The following KCNN1 variants were observed in gnomAD, a reference collection of about 807,000 sequenced individuals.
KCNN1 encodes small conductance calcium-activated potassium channel protein 1.
In KCNN1, 20 loss-of-function variants were observed where a neutral mutation model predicts 44.7. The observed-to-expected ratio is 0.45, with a 90% CI of 0.32 to 0.65. The LOEUF is 0.65. Among genes scored for constraint, KCNN1 ranks in the 30% least tolerant of loss-of-function variants. The probability of loss-of-function intolerance (pLI) is 0.05; values close to 1 mark genes in which losing one functional copy is unlikely to be tolerated. For synonymous variants in KCNN1, 324 were observed against 341.7 expected (o/e 0.95, Z 0.57); for missense variants, 632 against 785.3 (o/e 0.80, Z 2.33).
In KCNN1 at chr19:17,957,607, G is replaced by A. The variant is rs978675748; in HGVS notation, c.-82+2926G>A. 5.3e-5 allele frequency among the ~76,000 whole-genome samples: 8 copies of A among 152,124 alleles called. No homozygotes were observed. The South Asian group carries it at 6.2e-4, about 12-fold the overall frequency. ...GTCCTGAGGTGGGAATGAGCTTGGC[G>A]TGTTTGAGGAACAGTGAGGAGGCTG... On this transcript the variant is annotated intron_variant, in intron 2 of 10. Coordinates refer to the KCNN1 transcript ENST00000222249.
At position 17,973,789 on chromosome 19, in the gene KCNN1, T is replaced by A. The variant is rs1364857759; in HGVS notation, c.-81-19T>A. On this transcript the variant is annotated intron_variant, in intron 1 of 9. Transcript: ENST00000684775. ...TAAGCTGGACCCTGCTGTGACCATG[T>A]CCCTCTGTGCCCTTGCAGGTCAGTG... 6.7e-7 allele frequency: 1 copy of A among 1,489,400 alleles called. No individual in the cohort carries two copies. The highest frequency in any genetic ancestry group is 8.9e-7 in the Non-Finnish European group (1 of 1,127,192). 92.3% of individuals were successfully genotyped at this position (1,489,400 alleles called of 1,614,324 possible).
At position 17,978,143 on chromosome 19, in the gene KCNN1, T is replaced by C. The variant is rs1430711452; in HGVS notation, c.498+2956T>C. On this transcript the variant is annotated intron_variant, in intron 3 of 9. Transcript: ENST00000684775. Reference sequence around the variant, plus strand: ...GTATACTTGTTTTTTTTTTTTTTTTTTGAGATGGCGTCTTGCTCTGTCACC... The same window carrying C: ...GTATACTTGTTTTTTTTTTTTTTTTCTGAGATGGCGTCTTGCTCTGTCACC... Among the ~76,000 whole-genome samples, 3 of 151,128 alleles carry C rather than the reference T, an allele frequency of 2.0e-5. No homozygotes were observed. The East Asian group carries it at 5.8e-4, about 29-fold the overall frequency.
Position 17,993,449 on chromosome 19 carries a change from G to A in KCNN1, c.1308-41G>A, listed in dbSNP as rs750839724. ...CCTGCCCCCACTGCAGCCTCCACGG[G>A]AACCTGCCTAACCCCCTCCCCCAAC... On this transcript the variant is annotated intron_variant, in intron 8 of 9. Transcript: ENST00000684775. This position sits in a 1 kb window ranked among gnomAD's most constrained non-coding sequence, Gnocchi z 4.5. 1 of 1,520,432 alleles carries A rather than the reference G, an allele frequency of 6.6e-7. No individual in the cohort carries two copies. Among genetic ancestry groups the A allele is most frequent in the South Asian group, 1.1e-5 (1 of 87,492 alleles). 94.2% of individuals were successfully genotyped at this position (1,520,432 alleles called of 1,614,324 possible).
chr19:17,985,142 G>A (rs570530943), intron 4 of KCNN1, among the ~76,000 whole-genome samples, 170 bp from the exon 5 acceptor site: 5 of 152,238 alleles, frequency 3.3e-5, no homozygotes, highest in African/African-American at 1.2e-4. Flanking sequence ...GAATGTGGAA[G>A]GGCTGTAGCG....
In KCNN1 at chr19:17,967,121, C is replaced by G. The variant is rs1163045398; in HGVS notation, c.-278C>G. 8.2e-6 allele frequency: 8 copies of G among 978,404 alleles called. No homozygotes were observed. Among genetic ancestry groups the G allele is most frequent in the East Asian group, 1.2e-4 (1 of 8,690 alleles). The allele number at this position is 978,404 out of a possible 1,614,324, so 60.6% of individuals were successfully genotyped here. A position where few individuals can be genotyped will look rare whatever the true frequency, so the allele number is the denominator to read the frequency against. ...CCGGCCCGGGCGGGCGCTCGCCCCC[C>G]GCCGGGCCCGTGGACTGGGCGGCGG... On this transcript the variant is annotated 5_prime_UTR_variant, in exon 1 of 10. Coordinates refer to ENST00000684775, the MANE Select transcript of KCNN1 (RefSeq NM_001386974.1).
intron 3 of KCNN1, among the ~76,000 whole-genome samples, chr19:17,976,477 G>A (rs867478177): frequency 6.6e-6 from 1 of 151,440 alleles, no homozygotes; most frequent in African/African-American, 2.4e-5. Context: ...GAGTGCAATG[G>A]CACGATCTCC....
intron 9 of KCNN1, among the ~76,000 whole-genome samples, 167 bp from the exon 10 acceptor site, chr19:17,997,985 T>C (rs1338048601): frequency 6.6e-6 from 1 of 151,286 alleles, no homozygotes; most frequent in Admixed American, 6.6e-5. Context: ...GCAAGGGACC[T>C]CTGGGGCTGG....
At chr19:17,962,653 G>A (rs372410621), upstream of KCNN1, among the ~76,000 whole-genome samples, 2 of 151,410 alleles carry the variant, frequency 1.3e-5, no homozygotes, top group Non-Finnish European at 2.9e-5. Context: ...TTCCCACTCC[G>A]CTTCCTGCCC....
In KCNN1 at chr19:17,967,262, C is replaced by G. The variant is rs1337805347; in HGVS notation, c.-137C>G. 2 of 985,124 alleles carry G rather than the reference C, an allele frequency of 2.0e-6. No individual in the cohort carries two copies. The highest frequency in any genetic ancestry group is 2.4e-6 in the Non-Finnish European group (2 of 829,712). The allele number at this position is 985,124 out of a possible 1,614,324, so 61.0% of individuals were successfully genotyped here. A position where few individuals can be genotyped will look rare whatever the true frequency, so the allele number is the denominator to read the frequency against. On this transcript the variant is annotated 5_prime_UTR_variant, in exon 1 of 10. Coordinates refer to ENST00000684775, the MANE Select transcript of KCNN1 (RefSeq NM_001386974.1). ...CGGCTCCCGACTGGGGGTCCGCGGCCGCGCGGGACCCTCTCCCCTCCAGCC... is the reference window on the plus strand; with the variant it reads ...CGGCTCCCGACTGGGGGTCCGCGGCGGCGCGGGACCCTCTCCCCTCCAGCC...
At chr19:17,955,586 AAG>A (rs2031523883) in intron 2 of KCNN1, among the ~76,000 whole-genome samples, 2 of 149,696 alleles carry the variant, frequency 1.3e-5, no homozygotes, top group Admixed American at 1.3e-4. Context: ...AAAAGAAAGA[AAG>A]AAAAAAAATA....
chr19:17,974,061 G>T lies in KCNN1; in HGVS notation c.173G>T (p.Ser58Ile). 6.2e-7 allele frequency: 1 copy of T among 1,611,058 alleles called. No individual in the cohort carries two copies. The highest frequency in any genetic ancestry group is 8.5e-7 in the Non-Finnish European group (1 of 1,179,594). ...KSEPARPSPG[S>I]PRGQPQDQDD... The stretch of plus-strand genomic sequence containing the variant: ...GAGCCAGCCCGGCCCTCACCCGGCA[G>T]CCCCCGGGGGCAGCCCCAGGACCAG... Residue 58 changes from serine (S) to isoleucine (I), a missense_variant, in exon 2 of 10, where the codon AGC (serine) becomes ATC (isoleucine). Coordinates refer to ENST00000684775, the MANE Select transcript of KCNN1 (RefSeq NM_001386974.1). The surrounding 1 kb of genome is among the most constrained non-coding windows in gnomAD (Gnocchi z 7.3).
At chr19:17,959,000 C>T (rs1162113648) in intron 2 of KCNN1, among the ~76,000 whole-genome samples, 1 of 143,400 alleles carries the variant, frequency 7.0e-6, no homozygotes, top group Non-Finnish European at 1.5e-5. Context: ...ACGTCCAGCC[C>T]TATTTATTTA....
chr19:17,954,272 C>T (rs2031488362), intron 1 of KCNN1, among the ~76,000 whole-genome samples: 1 of 152,164 alleles, frequency 6.6e-6, no homozygotes, highest in African/African-American at 2.4e-5. Flanking sequence ...GCCTGGCCAA[C>T]ACAGCAAAAC....
chr19:17,988,944 C>T (rs999532376), intron 6 of KCNN1, among the ~76,000 whole-genome samples: 19 of 151,972 alleles, frequency 1.3e-4, no homozygotes, highest in Admixed American at 1.2e-3. Context: ...CTTGGCTCTG[C>T]CACCACGCAC....
chr19:17,952,270 C>G (rs1490729644), intron 1 of KCNN1: 1 of 152,080 alleles, frequency 6.6e-6, no homozygotes, highest in Non-Finnish European at 1.5e-5. Flanking sequence ...CGCCCTTGCC[C>G]GGCCGTGCAC....
intron 9 of KCNN1, among the ~76,000 whole-genome samples, chr19:17,997,734 C>G (rs1183631689): frequency 6.6e-6 from 1 of 152,108 alleles, no homozygotes; most frequent in Non-Finnish European, 1.5e-5. Flanking sequence ...CCTGCCTCGG[C>G]CTCCCAAAGT....
chr19:17,966,162 G>C (rs1328154238), upstream of KCNN1, among the ~76,000 whole-genome samples: 1 of 152,078 alleles, frequency 6.6e-6, no homozygotes, highest in Non-Finnish European at 1.5e-5. Flanking sequence ...AGATGTTCCT[G>C]ACCTGGGCCA....
chr19:17,964,183 C>T (rs2031744731), upstream of KCNN1, among the ~76,000 whole-genome samples: 2 of 152,234 alleles, frequency 1.3e-5, no homozygotes, highest in South Asian at 4.1e-4. The surrounding 1 kb of genome is among the most constrained non-coding windows in gnomAD (Gnocchi z 4.3). Flanking sequence ...ATATCTTACC[C>T]TTGCCATCCT....
intron 4 of KCNN1, chr19:17,982,671 G>A (rs2032458539): frequency 3.4e-6 from 3 of 876,552 alleles, no homozygotes; most frequent in Non-Finnish European, 4.1e-6. Context: ...ATTAGCTGCC[G>A]CAAGGGGAGG....
Sources: gnomAD v4.1 joint callset for allele counts (sites outside exome capture counted in the v4.1 genomes callset) on GRCh38, gnomAD v4.1.1 for gene constraint, Gnocchi (gnomAD v3.1) non-coding constraint, MANE v1.5 for transcripts, NCBI Gene and HGNC (gene_info 2026-07-23, HGNC 2026-07-21) for gene names.